Variants in DPP6 observed in about 807,000 individuals in gnomAD.
DPP6 encodes the protein dipeptidyl peptidase like 6.
Under a neutral mutation model 122.6 loss-of-function variants are expected in DPP6, and 69 were observed. That is an observed-to-expected ratio of 0.56 (90% confidence interval 0.46 to 0.69). The LOEUF is 0.69. Ranked by LOEUF, DPP6 falls within the 30% of genes least tolerant of loss-of-function variation. The probability of loss-of-function intolerance (pLI) is 0.00; values close to 1 mark genes in which losing one functional copy is unlikely to be tolerated. For missense variants in DPP6, 928 were observed against 1,116.9 expected, an observed-to-expected ratio of 0.83 and a Z score of 2.41; for synonymous variants, 418 against 433.1, an observed-to-expected ratio of 0.97 and a Z score of 0.43.
intron 1 of DPP6, among the ~76,000 whole-genome samples, chr7:154,027,416 A>G (rs1270245174): frequency 2.0e-5 from 3 of 152,120 alleles, no homozygotes; most frequent in African/African-American, 7.2e-5. Context: ...CATTCTGGGA[A>G]CATGTGGCTT....
intron 1 of DPP6, among the ~76,000 whole-genome samples, chr7:154,143,486 G>T (rs1411087388): frequency 6.6e-6 from 1 of 151,152 alleles, no homozygotes; most frequent in Non-Finnish European, 1.5e-5. Context: ...TGAAATTCAG[G>T]TTATCATGTA....
At chr7:154,830,236 C>T (rs74896963) in intron 16 of DPP6, among the ~76,000 whole-genome samples, 86 of 152,280 alleles carry the variant, frequency 5.6e-4, no homozygotes, top group African/African-American at 2.0e-3. Flanking sequence ...TCGGTCCTTA[C>T]CTCCTTTCCA....
intron 1 of DPP6, among the ~76,000 whole-genome samples, chr7:154,445,855 G>A (rs1586294941): frequency 1.3e-5 from 2 of 152,192 alleles, no homozygotes; most frequent in South Asian, 4.1e-4. Context: ...TTCAATGAGG[G>A]TAAGGAATTT....
At chr7:154,463,195 CTTT>C (rs368362408) in intron 2 of DPP6, among the ~76,000 whole-genome samples, 1 of 84,136 alleles carries the variant, frequency 1.2e-5, no homozygotes, top group African/African-American at 4.9e-5. Flanking sequence ...TTCTCCTTTT[CTTT>C]TTTTTTTTTT....
chr7:154,399,919 T>C (rs1393950475), intron 1 of DPP6, among the ~76,000 whole-genome samples: 2 of 152,164 alleles, frequency 1.3e-5, no homozygotes, highest in African/African-American at 4.8e-5. Flanking sequence ...TATGTATATA[T>C]GAAAATATCC....
At chr7:153,983,974 C>G (rs539896447) in intron 1 of DPP6, among the ~76,000 whole-genome samples, 16 of 151,794 alleles carry the variant, frequency 1.1e-4, no homozygotes, top group Middle Eastern at 3.4e-3. Flanking sequence ...AGCTGCAGAT[C>G]GGAGCTGTTC....
chr7:154,250,370 C>G (rs1214690476), intron 1 of DPP6, among the ~76,000 whole-genome samples: 3 of 152,132 alleles, frequency 2.0e-5, no homozygotes, highest in Non-Finnish European at 2.9e-5. Flanking sequence ...CTCCCCATGT[C>G]AACACCTGCA....
chr7:154,223,062 T>C (rs577838030), intron 1 of DPP6, among the ~76,000 whole-genome samples: 3 of 149,178 alleles, frequency 2.0e-5, no homozygotes, highest in Non-Finnish European at 4.4e-5. Context: ...TAGAACAGAC[T>C]GCTACAGGTG....
intron 3 of DPP6, among the ~76,000 whole-genome samples, chr7:154,510,910 ACT>A (rs1003860848): frequency 3.7e-4 from 52 of 142,372 alleles, no homozygotes; most frequent in Admixed American, 3.5e-3. Flanking sequence ...TCTCTCTATG[ACT>A]CTCTTACACA....
intron 1 of DPP6, among the ~76,000 whole-genome samples, chr7:154,367,992 G>C (rs1168700148): frequency 6.6e-6 from 1 of 152,130 alleles, no homozygotes; most frequent in Middle Eastern, 3.4e-3. Context: ...ATTTTTAGTA[G>C]AGACAGGGTT....
chr7:154,341,906 G>T (rs1423887535), intron 1 of DPP6, among the ~76,000 whole-genome samples: 2 of 151,920 alleles, frequency 1.3e-5, no homozygotes, highest in Non-Finnish European at 2.9e-5. Context: ...AGGGTGTGGC[G>T]CTTACAAGAG....
chr7:153,944,137 G>T (rs58418946), intron 1 of DPP6, among the ~76,000 whole-genome samples: 2,415 of 152,280 alleles, frequency 0.016, 33 homozygotes, highest in African/African-American at 0.032. Flanking sequence ...TAAAGCCCTG[G>T]AGCACGAGCC....
intron 1 of DPP6, among the ~76,000 whole-genome samples, chr7:153,998,643 G>A (rs978477310): frequency 2.6e-5 from 4 of 152,218 alleles, no homozygotes; most frequent in African/African-American, 9.7e-5. Flanking sequence ...GAGATGGGAA[G>A]TGATTACACT....
In DPP6 at chr7:154,060,400, C is replaced by T. The variant is rs1187636974; in HGVS notation, c.243+7337C>T. ...GTTCCCCCACTGGCTCTTAGGACCC[C>T]CATCGCAGAGGGGGGAGGCACCCCC... is the stretch of plus-strand genomic sequence containing the variant. On this transcript the variant is annotated intron_variant, in intron 1 of 25. Coordinates refer to ENST00000377770, the MANE Select transcript of DPP6 (RefSeq NM_130797.4). Among the ~76,000 whole-genome samples, 8 of 130,974 alleles carry T rather than the reference C, an allele frequency of 6.1e-5. 1 individual carries two copies. The highest frequency in any genetic ancestry group is 1.7e-5 in the Non-Finnish European group (1 of 60,192). 85.9% of individuals were successfully genotyped at this position (130,974 alleles called of 152,430 possible).
intron 6 of DPP6, among the ~76,000 whole-genome samples, chr7:154,662,148 C>A (rs1270959611): frequency 6.7e-6 from 1 of 150,366 alleles, no homozygotes. Flanking sequence ...GGTGAATCAC[C>A]ATGGCATATT....
chr7:154,454,208 C>G (rs1820631270), intron 2 of DPP6, among the ~76,000 whole-genome samples: 2 of 152,226 alleles, frequency 1.3e-5, no homozygotes, highest in South Asian at 4.1e-4. Context: ...CCTGGGGCAT[C>G]TGCTCTGTGA....
chr7:153,878,538 C>A, the DPP6 span, among the ~76,000 whole-genome samples: 3 of 152,086 alleles, frequency 2.0e-5, no homozygotes, highest in African/African-American at 7.2e-5. Context: ...CACATTGATT[C>A]CATTTATATG....
At chr7:154,018,658 G>A (rs1798546118) in intron 1 of DPP6, among the ~76,000 whole-genome samples, 1 of 152,254 alleles carries the variant, frequency 6.6e-6, no homozygotes, top group African/African-American at 2.4e-5. Context: ...AAGGGTGACT[G>A]TGATATTAAA....
At chr7:153,839,226 C>T in the DPP6 span, among the ~76,000 whole-genome samples, 2 of 152,206 alleles carry the variant, frequency 1.3e-5, no homozygotes, top group East Asian at 1.9e-4. Context: ...TGAATTCTTA[C>T]ACTGGTATCA....
Sources: gnomAD v4.1 joint callset for allele counts (sites outside exome capture counted in the v4.1 genomes callset) on GRCh38, gnomAD v4.1.1 for gene constraint, MANE v1.5 for transcripts, NCBI Gene and HGNC (gene_info 2026-07-23, HGNC 2026-07-21) for gene names.